The following CTNND2 variants were observed in gnomAD, a reference collection of about 807,000 sequenced individuals.
CTNND2 encodes catenin delta 2.
CTNND2 carries 22 observed loss-of-function variants against 144.4 expected under a neutral mutation model. The observed-to-expected ratio is 0.15, with a 90% CI of 0.11 to 0.22. CTNND2 has a LOEUF of 0.22. CTNND2 is among the 10% of genes least tolerant of loss of function. CTNND2 has a pLI of 1.00. For synonymous variants in CTNND2, 751 were observed against 695.6 expected (o/e 1.08, Z -1.25); for missense variants, 1,353 against 1,618.8 (o/e 0.84, Z 2.82).
chr5:11,870,992 G>T (rs1230340029), intron 1 of CTNND2, among the ~76,000 whole-genome samples: 2 of 152,192 alleles, frequency 1.3e-5, no homozygotes, highest in African/African-American at 2.4e-5. Context: ...GGAGACAGGG[G>T]TCTTTGGCAG....
rs540155852 is a variant in CTNND2, at chr5:11,384,837, G to A, written c.1005C>T (p.Pro335=). 2.4e-5 allele frequency: 38 copies of A among 1,612,806 alleles called. No individual in the cohort carries two copies. In the South Asian group the frequency reaches 4.1e-4, roughly 17 times the overall value. ...GLSPIRVTSP[P]TVQSTISSSP... ...AGGAGGAGATGGTGGACTGCACGGT[G>A]GGGGGCGAGGTCACGCGGATCGGGG... The change falls in exon 7 of 22, where the codon CCC becomes CCT. Residue 335 remains proline (P), a synonymous_variant. Coordinates refer to ENST00000304623, the MANE Select transcript of CTNND2 (RefSeq NM_001332.4). This position sits in a 1 kb window ranked among gnomAD's most constrained non-coding sequence, Gnocchi z 5.2.
chr5:11,880,944 T>TAATACTACTACTACC, intron 1 of CTNND2, among the ~76,000 whole-genome samples: 1 of 144,438 alleles, frequency 6.9e-6, no homozygotes, highest in African/African-American at 2.6e-5. Flanking sequence ...CTGCTACTAA[T>TAATACTACTACTACC]ACTACTACTA....
Position 11,627,877 on chromosome 5 carries a change from T to G in CTNND2, c.175-62821A>C, listed in dbSNP as rs1035355499. Among the ~76,000 whole-genome samples the G allele has an allele frequency of 2.0e-5, 3 of 150,868 alleles. No homozygotes were observed. In the East Asian group the frequency reaches 5.8e-4, roughly 29 times the overall value. ...CAATGACAGATCATCAGGCATTACA[T>G]TCTCATAAGGAGCGCACAACCTAGA... On this transcript the variant is annotated intron_variant, in intron 2 of 21. Transcript: ENST00000304623.
rs369261113 is a variant in CTNND2, at chr5:11,841,942, G to T, written c.37+61875C>A. Among the ~76,000 whole-genome samples the T allele has an allele frequency of 9.2e-5, 14 of 151,828 alleles. No homozygotes were observed. The East Asian group carries it at 2.5e-3, about 27-fold the overall frequency. On this transcript the variant is annotated intron_variant, in intron 1 of 21. Coordinates refer to ENST00000304623, the MANE Select transcript of CTNND2 (RefSeq NM_001332.4). The stretch of plus-strand genomic sequence containing the variant: ...GTACCTCTCATCCCTAGAGGTGAAG[G>T]TCTGCTCTCTTCTTTTTAATCTGAT...
At chr5:11,754,152 C>G (rs1266108392) in intron 1 of CTNND2, among the ~76,000 whole-genome samples, 1 of 151,140 alleles carries the variant, frequency 6.6e-6, no homozygotes, top group Non-Finnish European at 1.5e-5. Flanking sequence ...CTTTGTGTAA[C>G]ATTTTTTTCT....
chr5:11,448,514 G>A (rs959155818), intron 3 of CTNND2, among the ~76,000 whole-genome samples: 6 of 152,156 alleles, frequency 3.9e-5, no homozygotes, highest in Non-Finnish European at 8.8e-5. Context: ...CTGTGTGTGT[G>A]TGTGTTTGCT....
intron 12 of CTNND2, among the ~76,000 whole-genome samples, chr5:11,134,619 A>G (rs1404476724): frequency 6.6e-6 from 1 of 152,260 alleles, no homozygotes; most frequent in Non-Finnish European, 1.5e-5. Flanking sequence ...TTAGATAAAC[A>G]TCGTTTCTTC....
intron 12 of CTNND2, among the ~76,000 whole-genome samples, chr5:11,145,657 C>A (rs1390651462): frequency 6.6e-6 from 1 of 152,116 alleles, no homozygotes; most frequent in Non-Finnish European, 1.5e-5. Context: ...TGTCCCTGCC[C>A]CACCTCTCTA....
chr5:11,055,132 G>C (rs1746220248), intron 16 of CTNND2, among the ~76,000 whole-genome samples: 1 of 152,216 alleles, frequency 6.6e-6, no homozygotes. Flanking sequence ...GGAGAAGGTA[G>C]AGTTAAGGAC....
At chr5:11,242,308 A>G (rs1434003523) in intron 9 of CTNND2, among the ~76,000 whole-genome samples, 3 of 152,178 alleles carry the variant, frequency 2.0e-5, no homozygotes, top group Non-Finnish European at 4.4e-5. Flanking sequence ...AGAAGAGGCA[A>G]CTTAAGGTGT....
chr5:11,319,867 T>G (rs1216449168), intron 9 of CTNND2, among the ~76,000 whole-genome samples: 5 of 152,254 alleles, frequency 3.3e-5, no homozygotes, highest in Non-Finnish European at 5.9e-5. Flanking sequence ...TTTGTTTTTT[T>G]GGATTTTCTT....
intron 2 of CTNND2, among the ~76,000 whole-genome samples, chr5:11,602,808 T>C (rs1260841768): frequency 6.8e-6 from 1 of 146,682 alleles, no homozygotes; most frequent in African/African-American, 2.5e-5. Context: ...TATATTAATA[T>C]ATATTTATAT....
intron 11 of CTNND2, among the ~76,000 whole-genome samples, chr5:11,198,181 C>T (rs61751789): frequency 0.059 from 9,026 of 152,258 alleles, 349 homozygotes; most frequent in Admixed American, 0.11. Flanking sequence ...TCATAGATAT[C>T]ATACTGTGTA....
At chr5:11,191,097 CA>C (rs1736194214) in intron 11 of CTNND2, among the ~76,000 whole-genome samples, 1 of 152,148 alleles carries the variant, frequency 6.6e-6, no homozygotes, top group Non-Finnish European at 1.5e-5. Flanking sequence ...ATGCATTTCT[CA>C]GGGCCTAGAG....
At chr5:10,981,744 G>A (rs373647754) in intron 21 of CTNND2, 29 bp downstream of exon 21, 3 of 1,569,794 alleles carry the variant, frequency 1.9e-6, no homozygotes, top group Admixed American at 1.7e-5. Flanking sequence ...CACTGAAAAG[G>A]AAATACAAAC....
intron 3 of CTNND2, among the ~76,000 whole-genome samples, chr5:11,517,065 C>CA (rs1252311254): frequency 1.3e-5 from 2 of 152,006 alleles, no homozygotes; most frequent in Non-Finnish European, 2.9e-5. Flanking sequence ...TCCAATATTC[C>CA]AGATTTCAGG....
At chr5:11,423,299 G>A (rs977307198) in intron 3 of CTNND2, among the ~76,000 whole-genome samples, 5 of 152,196 alleles carry the variant, frequency 3.3e-5, no homozygotes, top group Admixed American at 3.3e-4. Flanking sequence ...GTCAGATGTT[G>A]ATTAACTTGA....
intron 10 of CTNND2, among the ~76,000 whole-genome samples, chr5:11,203,399 A>C (rs1204566155): frequency 6.6e-6 from 1 of 152,042 alleles, no homozygotes; most frequent in East Asian, 1.9e-4. Flanking sequence ...CTCTCCTCAC[A>C]TTATTACTTT....
chr5:11,585,838 T>TG (rs1352426557), intron 2 of CTNND2, among the ~76,000 whole-genome samples: 1 of 151,922 alleles, frequency 6.6e-6, no homozygotes, highest in Non-Finnish European at 1.5e-5. Flanking sequence ...ATACCTGGGC[T>TG]GGGGGGTGAG....
Sources: allele counts gnomAD v4.1 joint callset (sites outside exome capture counted in the v4.1 genomes callset), GRCh38; gene constraint gnomAD v4.1.1; non-coding constraint Gnocchi (gnomAD v3.1); transcripts MANE v1.5; gene names NCBI Gene and HGNC (gene_info 2026-07-23, HGNC 2026-07-21).